PPFIA1: variants seen among roughly 807,000 people sequenced by gnomAD.
PPFIA1 encodes PPFI scaffold protein A1.
A neutral mutation model predicts 149.9 loss-of-function variants in PPFIA1; 25 were observed. The ratio of observed to expected loss-of-function variants is 0.17; its 90% CI spans 0.12 to 0.23. The LOEUF (loss-of-function observed/expected upper bound fraction) is 0.23, where lower values mean the gene tolerates loss of function less well. Ranked by LOEUF, PPFIA1 falls within the 10% of genes least tolerant of loss-of-function variation. PPFIA1 has a pLI of 1.00. For missense variants in PPFIA1, 1,362 were observed against 1,506.5 expected (o/e 0.90, Z 1.59); for synonymous variants, 549 against 552.8 (o/e 0.99, Z 0.10).
chr11:70,327,091 C>G, intron 7 of PPFIA1: 1 of 397,842 alleles, frequency 2.5e-6, no homozygotes, highest in Non-Finnish European at 4.6e-6. Flanking sequence ...CCACACTGGC[C>G]TCTCCTACCT....
chr11:70,293,938 CTCTCTTT>C (rs2051709512), intron 2 of PPFIA1, among the ~76,000 whole-genome samples: 1 of 122,878 alleles, frequency 8.1e-6, no homozygotes, highest in Admixed American at 8.2e-5. Context: ...TTCTCTCTCT[CTCTCTTT>C]TTTTTTTTTT....
intron 14 of PPFIA1, 28 bp downstream of exon 14, chr11:70,339,334 C>G: frequency 6.3e-7 from 1 of 1,598,170 alleles, no homozygotes; most frequent in Non-Finnish European, 8.6e-7. Flanking sequence ...AATACCTCTG[C>G]TTACGTGAAA....
Position 70,376,617 on chromosome 11 carries a change from A to C in PPFIA1, c.3384+17A>C, listed in dbSNP as rs771872297. 14 of 1,580,574 alleles carry C rather than the reference A, an allele frequency of 8.9e-6. No individual in the cohort carries two copies. Among genetic ancestry groups the C allele is most frequent in the Middle Eastern group, 3.3e-4 (2 of 6,000 alleles). ...TTTGATGAAGTAAGTTTTTGGCCTA[A>C]TGTTCTTTAAATGTCTGAAATGTGT... is the stretch of plus-strand genomic sequence containing the variant. On this transcript the variant is annotated intron_variant, in intron 25 of 27. Coordinates refer to ENST00000253925, the MANE Select transcript of PPFIA1 (RefSeq NM_003626.5).
chr11:70,351,680 C>T (rs1256736652), intron 16 of PPFIA1, among the ~76,000 whole-genome samples: 6 of 152,124 alleles, frequency 3.9e-5, no homozygotes, highest in Non-Finnish European at 7.4e-5. Context: ...CGTATTTAAT[C>T]CCCATACACA....
chr11:70,382,853 T>C (rs1042354597), intron 27 of PPFIA1, 150 bp from the exon 28 acceptor site: 8 of 284,970 alleles, frequency 2.8e-5, no homozygotes, highest in South Asian at 2.2e-4. Context: ...AGCCAGTGAT[T>C]CTCAGAGCAG....
intron 8 of PPFIA1, among the ~76,000 whole-genome samples, chr11:70,330,858 G>A (rs1181821907): frequency 1.3e-5 from 2 of 152,064 alleles, no homozygotes; most frequent in African/African-American, 2.4e-5. Context: ...GATGACTTGA[G>A]CCCTGGAGTT....
intron 2 of PPFIA1, among the ~76,000 whole-genome samples, chr11:70,280,830 A>T (rs1023758165): frequency 1.3e-5 from 2 of 152,178 alleles, no homozygotes; most frequent in Non-Finnish European, 2.9e-5. Context: ...GACATGTCAA[A>T]GCACTGGGAT....
intron 21 of PPFIA1, among the ~76,000 whole-genome samples, chr11:70,368,421 G>T (rs1198062590): frequency 6.6e-6 from 1 of 152,270 alleles, no homozygotes; most frequent in Middle Eastern, 3.4e-3. Context: ...AGACCAACAT[G>T]GTGTTAGTTG....
chr11:70,322,202 C>G, intron 2 of PPFIA1, among the ~76,000 whole-genome samples: 1 of 152,158 alleles, frequency 6.6e-6, no homozygotes, highest in East Asian at 1.9e-4. Context: ...TTAACTGAAG[C>G]TAGTTTGAGT....
At chr11:70,330,693 A>G (rs1320365530) in intron 8 of PPFIA1, among the ~76,000 whole-genome samples, 1 of 152,228 alleles carries the variant, frequency 6.6e-6, no homozygotes, top group Non-Finnish European at 1.5e-5. Context: ...GCGGTGGCTC[A>G]TGCCTGTCAT....
In PPFIA1 at chr11:70,352,356, A is replaced by G. The variant is rs1413845709; in HGVS notation, c.2164-1945A>G. The stretch of plus-strand genomic sequence containing the variant: ...GAGCTTACACCAGCAGCAACAAGAC[A>G]CAGAGCACGGCCTTCAGTTCAGCTG... On this transcript the variant is annotated intron_variant, in intron 16 of 27. Coordinates refer to ENST00000253925, the MANE Select transcript of PPFIA1 (RefSeq NM_003626.5). Among the ~76,000 whole-genome samples, 3 of 152,342 alleles carry G rather than the reference A, an allele frequency of 2.0e-5. No individual in the cohort carries two copies. The South Asian group carries it at 6.2e-4, about 32-fold the overall frequency.
intron 2 of PPFIA1, among the ~76,000 whole-genome samples, chr11:70,296,316 G>A (rs1471872305): frequency 2.0e-5 from 3 of 152,116 alleles, no homozygotes; most frequent in Admixed American, 6.5e-5. Flanking sequence ...GGCACTTTGG[G>A]AGGCCAAGGC....
At chr11:70,318,448 T>A (rs968984501) in intron 2 of PPFIA1, among the ~76,000 whole-genome samples, 1 of 152,216 alleles carries the variant, frequency 6.6e-6, no homozygotes, top group African/African-American at 2.4e-5. Context: ...GTCACTTGAC[T>A]TACCTGCTTT....
chr11:70,378,809 A>G (rs902630930), intron 26 of PPFIA1, among the ~76,000 whole-genome samples: 2 of 152,206 alleles, frequency 1.3e-5, no homozygotes, highest in African/African-American at 4.8e-5. Flanking sequence ...ATGATTTCAC[A>G]TGCAGTTTGG....
chr11:70,383,050 C>A lies in PPFIA1; in HGVS notation c.*60C>A. 1 of 412,112 alleles carries A rather than the reference C, an allele frequency of 2.4e-6. No homozygotes were observed. Among genetic ancestry groups the A allele is most frequent in the South Asian group, 1.8e-5 (1 of 56,142 alleles). The allele number at this position is 412,112 out of a possible 1,614,324, so 25.5% of individuals were successfully genotyped here. A position where few individuals can be genotyped will look rare whatever the true frequency, so the allele number is the denominator to read the frequency against. Reference sequence around the variant, plus strand: ...ATGATTATGCAGCATTTGAATCCAACAAAGACTACATTTTGGAATCCAGTG... The same window carrying A: ...ATGATTATGCAGCATTTGAATCCAAAAAAGACTACATTTTGGAATCCAGTG... On this transcript the variant is annotated 3_prime_UTR_variant, in exon 28 of 28. Transcript: ENST00000253925.
intron 16 of PPFIA1, among the ~76,000 whole-genome samples, chr11:70,348,914 A>G (rs1285879356): frequency 6.6e-6 from 1 of 152,182 alleles, no homozygotes; most frequent in East Asian, 1.9e-4. Flanking sequence ...TAATATTTGG[A>G]TGACCAGGCT....
chr11:70,296,527 C>T (rs954167164), intron 2 of PPFIA1, among the ~76,000 whole-genome samples: 2 of 152,048 alleles, frequency 1.3e-5, no homozygotes, highest in African/African-American at 2.4e-5. Context: ...CAAAAAAATA[C>T]GAAAACCAGT....
intron 5 of PPFIA1, 32 bp downstream of exon 5, chr11:70,325,606 G>A (rs371759481): frequency 8.4e-7 from 1 of 1,191,640 alleles, no homozygotes; most frequent in Non-Finnish European, 1.2e-6. Context: ...GAGTTGAATT[G>A]GGGGGGGGTT....
chr11:70,331,263 T>C (rs1591243454), intron 8 of PPFIA1, among the ~76,000 whole-genome samples: 1 of 150,696 alleles, frequency 6.6e-6, no homozygotes, highest in African/African-American at 2.4e-5. Flanking sequence ...GTGAAGTCTG[T>C]AGTAAGAAAT....
Sources: gnomAD v4.1 joint callset for allele counts (sites outside exome capture counted in the v4.1 genomes callset) on GRCh38, gnomAD v4.1.1 for gene constraint, MANE v1.5 for transcripts, NCBI Gene and HGNC (gene_info 2026-07-23, HGNC 2026-07-21) for gene names.